Variants in PICALM observed in about 807,000 individuals in gnomAD.
PICALM encodes phosphatidylinositol binding clathrin assembly protein, also known as phosphatidylinositol-binding clathrin assembly protein.
PICALM carries 40 observed loss-of-function variants against 80.5 expected under a neutral mutation model. That is an observed-to-expected ratio of 0.50 (90% CI 0.39 to 0.65). The LOEUF (loss-of-function observed/expected upper bound fraction) is 0.65, where lower values mean the gene tolerates loss of function less well. Ranked by LOEUF, PICALM falls within the 30% of genes least tolerant of loss-of-function variation. The pLI, the probability that PICALM is intolerant of heterozygous loss-of-function variation, is 0.00. For missense variants in PICALM, 676 were observed against 778.9 expected (o/e 0.87, Z 1.57); for synonymous variants, 288 against 260.3 (o/e 1.11, Z -1.02).
intron 12 of PICALM, among the ~76,000 whole-genome samples, chr11:85,994,737 C>CT (rs758561123): frequency 3.7e-4 from 57 of 152,312 alleles, no homozygotes; most frequent in Admixed American, 7.8e-4. Flanking sequence ...CTTTTCTTTT[C>CT]TGTCTCCCAG....
At chr11:85,980,941 T>G (rs1592505665) in intron 17 of PICALM, among the ~76,000 whole-genome samples, 188 bp downstream of exon 17, 1 of 152,244 alleles carries the variant, frequency 6.6e-6, no homozygotes, top group Non-Finnish European at 1.5e-5. Context: ...CCTTAAATAC[T>G]TGTTAGCCAC....
Position 86,052,183 on chromosome 11 carries a change from A to T in PICALM, c.130+16468T>A, listed in dbSNP as rs145274897. Reference sequence around the variant, plus strand: ...CATGCTGTTCTCATGATAGTGAGTGAGTTCTCATGAGATCTGATGGTTTTA... The same window carrying T: ...CATGCTGTTCTCATGATAGTGAGTGTGTTCTCATGAGATCTGATGGTTTTA... On this transcript the variant is annotated intron_variant, in intron 1 of 19. Coordinates refer to ENST00000393346, the MANE Select transcript of PICALM (RefSeq NM_007166.4). Among the ~76,000 whole-genome samples, 886 of 152,312 alleles carry T rather than the reference A, an allele frequency of 5.8e-3. 3 individuals carry two copies. Among genetic ancestry groups the T allele is most frequent in the Non-Finnish European group, 9.4e-3 (642 of 68,028 alleles).
chr11:86,036,073 G>A (rs577286660), intron 1 of PICALM, among the ~76,000 whole-genome samples: 54 of 152,128 alleles, frequency 3.5e-4, no homozygotes, highest in South Asian at 1.0e-3. Context: ...TTCCTTGGTG[G>A]GAGTAGAAAC....
chr11:85,986,365 A>ATTTT (rs775072780), intron 13 of PICALM, among the ~76,000 whole-genome samples: 1,040 of 73,740 alleles, frequency 0.014, 212 homozygotes, highest in Non-Finnish European at 0.018. Context: ...CCAACTTTTA[A>ATTTT]TTTTTTTTTT....
Position 86,026,371 on chromosome 11 carries a change from G to GAAA in PICALM, c.274-7_274-5dup. 1.3e-6 allele frequency: 2 copies of GAAA among 1,500,414 alleles called. No homozygotes were observed. The highest frequency in any genetic ancestry group is 1.4e-5 in the African/African-American group (1 of 71,026). The allele number at this position is 1,500,414 out of a possible 1,614,324, so 92.9% of individuals were successfully genotyped here. ...AAGCCAAATACTGAATAAAACGCTG[G>GAAA]AAAAAAAAAATTACATCATATTAAG... On this transcript the variant is annotated splice_region_variant and splice_polypyrimidine_tract_variant and intron_variant, in intron 2 of 19. Coordinates refer to ENST00000393346, the MANE Select transcript of PICALM (RefSeq NM_007166.4).
At chr11:85,963,515 A>C (rs1022697842) in intron 19 of PICALM, among the ~76,000 whole-genome samples, 22 of 152,258 alleles carry the variant, frequency 1.4e-4, no homozygotes, top group Non-Finnish European at 2.9e-5. Flanking sequence ...TGTCTTCAAC[A>C]AAGTGGTCAA....
At chr11:85,978,016 A>G (rs866011893) in intron 17 of PICALM, 22 of 1,322,562 alleles carry the variant, frequency 1.7e-5, no homozygotes, top group Middle Eastern at 3.6e-4. Context: ...CTGCTACAGC[A>G]GTGGTTAATA....
At position 86,014,752 on chromosome 11, in the gene PICALM, G is replaced by C. The variant is rs12292101; in HGVS notation, c.546+118C>G. 9.2e-3 allele frequency: 4,989 copies of C among 541,112 alleles called. 226 individuals carry two copies. The highest frequency in any genetic ancestry group is 0.091 in the African/African-American group (4,549 of 49,998). 33.5% of individuals were successfully genotyped at this position (541,112 alleles called of 1,614,324 possible). On this transcript the variant is annotated intron_variant, in intron 5 of 19. Transcript: ENST00000393346. The stretch of plus-strand genomic sequence containing the variant: ...GAGACTATTTTATAAAAAATCCTTA[G>C]CCATATAGGATATCAGGATGTGAAA...
At chr11:86,066,627 T>C (rs2096451707) in intron 1 of PICALM, among the ~76,000 whole-genome samples, 1 of 152,048 alleles carries the variant, frequency 6.6e-6, no homozygotes, top group Non-Finnish European at 1.5e-5. Context: ...CTGCTACATT[T>C]GAAATAAGAC....
Position 86,026,285 on chromosome 11 carries a change from T to C in PICALM, c.349+7A>G. The C allele has an allele frequency of 6.7e-7, 1 of 1,491,374 alleles. No homozygotes were observed. Among genetic ancestry groups the C allele is most frequent in the South Asian group, 1.1e-5 (1 of 87,650 alleles). The allele number at this position is 1,491,374 out of a possible 1,614,324, so 92.4% of individuals were successfully genotyped here. A position where few individuals can be genotyped will look rare whatever the true frequency, so the allele number is the denominator to read the frequency against. ...TTGATTTTCTATAATGTAAAAGTTA[T>C]CTTTACCTTGCAATCCACTTTTATC... On this transcript the variant is annotated splice_region_variant and intron_variant, in intron 3 of 19. Transcript: ENST00000393346.
chr11:85,975,888 C>T (rs1011863312), intron 18 of PICALM, among the ~76,000 whole-genome samples: 21 of 152,286 alleles, frequency 1.4e-4, no homozygotes, highest in African/African-American at 4.6e-4. Flanking sequence ...TAAGCCACCA[C>T]ACCCAGCCTC....
chr11:86,066,761 A>G (rs889486839), intron 1 of PICALM, among the ~76,000 whole-genome samples: 1 of 151,958 alleles, frequency 6.6e-6, no homozygotes, highest in Non-Finnish European at 1.5e-5. Flanking sequence ...AAAAAAAACA[A>G]AAAAAAACCA....
At chr11:85,982,315 C>T in intron 14 of PICALM, 1 of 215,376 alleles carries the variant, frequency 4.6e-6, no homozygotes, top group South Asian at 8.6e-5. Flanking sequence ...GCTAGCCCAG[C>T]AAAATTTTCT....
At chr11:85,994,560 G>T (rs1417367483) in intron 12 of PICALM, among the ~76,000 whole-genome samples, 1 of 152,144 alleles carries the variant, frequency 6.6e-6, no homozygotes, top group African/African-American at 2.4e-5. Context: ...AACAGTACAA[G>T]ATTTGGGGAT....
At chr11:85,983,066 G>C (rs921055156) in intron 14 of PICALM, among the ~76,000 whole-genome samples, 1 of 152,036 alleles carries the variant, frequency 6.6e-6, no homozygotes, top group Non-Finnish European at 1.5e-5. Flanking sequence ...AAACCTACTA[G>C]TGCATAGAAA....
intron 1 of PICALM, among the ~76,000 whole-genome samples, chr11:86,061,991 C>T (rs936259391): frequency 1.3e-5 from 2 of 151,552 alleles, no homozygotes; most frequent in Non-Finnish European, 2.9e-5. Flanking sequence ...CATATTAGTA[C>T]GTGAAAAAAG....
At chr11:85,964,988 T>C (rs2093825907) in intron 19 of PICALM, among the ~76,000 whole-genome samples, 1 of 152,226 alleles carries the variant, frequency 6.6e-6, no homozygotes, top group African/African-American at 2.4e-5. Flanking sequence ...TATATTGCTG[T>C]AGAAATATAT....
intron 18 of PICALM, 57 bp from the exon 19 acceptor site, chr11:85,974,869 AG>A: frequency 8.5e-7 from 1 of 1,171,610 alleles, no homozygotes; most frequent in Non-Finnish European, 1.3e-6. Context: ...ATTGTGACTA[AG>A]TAAATAACAA....
chr11:85,990,581 T>C (rs2094736492), intron 12 of PICALM, among the ~76,000 whole-genome samples, 182 bp from the exon 13 acceptor site: 1 of 152,216 alleles, frequency 6.6e-6, no homozygotes, highest in Admixed American at 6.5e-5. Context: ...GCATTTAATA[T>C]ATTTTTAAGT....
Sources: allele counts gnomAD v4.1 joint callset (sites outside exome capture counted in the v4.1 genomes callset), GRCh38; gene constraint gnomAD v4.1.1; transcripts MANE v1.5; gene names NCBI Gene and HGNC (gene_info 2026-07-23, HGNC 2026-07-21).